The following FSTL4 variants were observed in gnomAD, a reference collection of about 807,000 sequenced individuals.
FSTL4 encodes follistatin like 4, also known as follistatin-related protein 4.
In FSTL4, 28 loss-of-function variants were observed where a neutral mutation model predicts 78.2. The observed-to-expected ratio is 0.36, with a 90% CI of 0.27 to 0.49. The LOEUF (loss-of-function observed/expected upper bound fraction) is 0.49, where lower values mean the gene tolerates loss of function less well. Among genes scored for constraint, FSTL4 ranks in the 20% least tolerant of loss-of-function variants. FSTL4 has a pLI of 0.98. For synonymous variants in FSTL4, 422 were observed against 440.5 expected, an observed-to-expected ratio of 0.96 and a Z score of 0.53; for missense variants, 922 against 1,084.9, an observed-to-expected ratio of 0.85 and a Z score of 2.11.
intron 3 of FSTL4, chr5:133,427,663 C>G (rs764763694): frequency 1.9e-6 from 1 of 530,568 alleles, no homozygotes; most frequent in Non-Finnish European, 3.9e-6. Flanking sequence ...TTCAGTAGTT[C>G]TGAGGCAGGG....
the FSTL4 span, among the ~76,000 whole-genome samples, chr5:133,663,607 C>T: frequency 6.6e-6 from 1 of 152,210 alleles, no homozygotes; most frequent in Non-Finnish European, 1.5e-5. Context: ...CACGTGGTCT[C>T]ATTGTCATGA....
At chr5:133,636,255 G>C in the FSTL4 span, among the ~76,000 whole-genome samples, 1 of 152,204 alleles carries the variant, frequency 6.6e-6, no homozygotes, top group South Asian at 2.1e-4. Flanking sequence ...GGCAGGGAGA[G>C]AGGCTGGGCT....
the FSTL4 span, among the ~76,000 whole-genome samples, chr5:133,671,950 C>G: frequency 0.61 from 93,053 of 152,110 alleles, 28,741 homozygotes; most frequent in Middle Eastern, 0.73. Flanking sequence ...AAGAATGTTA[C>G]CACAGGTCTT....
At chr5:133,644,593 G>A in the FSTL4 span, among the ~76,000 whole-genome samples, 1 of 152,100 alleles carries the variant, frequency 6.6e-6, no homozygotes, top group Non-Finnish European at 1.5e-5. Context: ...AGCTTTGGTG[G>A]AGAAGACATG....
At chr5:133,712,331 T>C in the FSTL4 span, among the ~76,000 whole-genome samples, 1 of 152,010 alleles carries the variant, frequency 6.6e-6, no homozygotes, top group African/African-American at 2.4e-5. Flanking sequence ...AGTAGGCCTG[T>C]GGGGTTGGAA....
In FSTL4 at chr5:133,482,841, G is replaced by A. The variant is rs143788365; in HGVS notation, c.161-81855C>T. ...CTACAGGGAAGCTCTGCATTTCCTG[G>A]GAATGATGACTCCTGGGCCCCTTGC... On this transcript the variant is annotated intron_variant, in intron 3 of 15. Transcript: ENST00000265342. Among the ~76,000 whole-genome samples, 81 of 152,042 alleles carry A rather than the reference G, an allele frequency of 5.3e-4. No individual in the cohort carries two copies. The Middle Eastern group carries it at 0.02, about 38-fold the overall frequency.
At chr5:133,513,904 C>A (rs548273574) in intron 3 of FSTL4, among the ~76,000 whole-genome samples, 1 of 152,090 alleles carries the variant, frequency 6.6e-6, no homozygotes, top group Non-Finnish European at 1.5e-5. Flanking sequence ...CGGGGCCGGG[C>A]GCGGTGGCTC....
At position 133,210,284 on chromosome 5, in the gene FSTL4, G is replaced by A; in HGVS notation, c.1623C>T (p.Asp541=). ...CATAGGACAGCTTAGCCGGCAGAGG[G>A]TCCACACCTATGGACTTGAAAAAAA... ...AQKVLQSIGV[D]PLPAKLSYDK... Residue 541 remains aspartate (D), a synonymous_variant, in exon 14 of 16, where the codon GAC becomes GAT. Coordinates refer to ENST00000265342, the MANE Select transcript of FSTL4 (RefSeq NM_015082.2). 1.9e-6 allele frequency: 3 copies of A among 1,601,084 alleles called. No individual in the cohort carries two copies. The highest frequency in any genetic ancestry group is 2.6e-6 in the Non-Finnish European group (3 of 1,168,382).
the FSTL4 span, among the ~76,000 whole-genome samples, chr5:133,634,651 G>A: frequency 6.6e-6 from 1 of 152,160 alleles, no homozygotes; most frequent in Non-Finnish European, 1.5e-5. Context: ...AGAAGTGAAA[G>A]TTCATTTGTT....
At chr5:133,412,304 A>C (rs1756492115) in intron 3 of FSTL4, among the ~76,000 whole-genome samples, 2 of 152,186 alleles carry the variant, frequency 1.3e-5, no homozygotes, top group Admixed American at 1.3e-4. Context: ...AGGAAAAGGC[A>C]AATCAGTGAC....
intron 4 of FSTL4, among the ~76,000 whole-genome samples, chr5:133,359,099 G>A (rs528311321): frequency 2.0e-5 from 3 of 152,290 alleles, no homozygotes; most frequent in East Asian, 1.9e-4. Flanking sequence ...TAGCTAGAGC[G>A]TGATGTGTAA....
At chr5:133,543,095 G>A (rs246419) in intron 3 of FSTL4, among the ~76,000 whole-genome samples, 10,967 of 152,174 alleles carry the variant, frequency 0.072, 539 homozygotes, top group Non-Finnish European at 0.098. Context: ...TCTGCCACCA[G>A]GCTGGAGTGC....
At chr5:133,615,468 C>T (rs991577916), upstream of FSTL4, among the ~76,000 whole-genome samples, 1 of 152,162 alleles carries the variant, frequency 6.6e-6, no homozygotes, top group African/African-American at 2.4e-5. Context: ...ACACCTTTCC[C>T]AGAACTTGTT....
intron 3 of FSTL4, among the ~76,000 whole-genome samples, chr5:133,427,186 A>T (rs1756837475): frequency 6.6e-6 from 1 of 152,136 alleles, no homozygotes; most frequent in South Asian, 2.1e-4. Context: ...CTCAGTTTCC[A>T]CACCTATAGA....
chr5:133,535,739 G>A (rs1422476824), intron 3 of FSTL4, among the ~76,000 whole-genome samples: 2 of 152,102 alleles, frequency 1.3e-5, no homozygotes, highest in Non-Finnish European at 2.9e-5. Context: ...GAGAACAAAT[G>A]TCTGTTGCTT....
intron 3 of FSTL4, among the ~76,000 whole-genome samples, chr5:133,560,981 C>T (rs560490158): frequency 4.0e-5 from 6 of 151,052 alleles, no homozygotes; most frequent in South Asian, 2.1e-4. Flanking sequence ...CCCAGCTACT[C>T]GGGAGGCTGA....
chr5:133,752,020 A>G, the FSTL4 span, among the ~76,000 whole-genome samples: 8 of 152,338 alleles, frequency 5.3e-5, no homozygotes, highest in Non-Finnish European at 1.2e-4. Flanking sequence ...GAACGCTGGC[A>G]GGAATCGTGC....
At chr5:133,650,949 A>T in the FSTL4 span, among the ~76,000 whole-genome samples, 1 of 152,152 alleles carries the variant, frequency 6.6e-6, no homozygotes, top group Non-Finnish European at 1.5e-5. Context: ...CCTCATACAG[A>T]TCTTATATGT....
At chr5:133,810,356 C>T in the FSTL4 span, among the ~76,000 whole-genome samples, 7 of 152,150 alleles carry the variant, frequency 4.6e-5, no homozygotes, top group Non-Finnish European at 7.3e-5. Flanking sequence ...ATTTGCATTT[C>T]GAAAATTCAG....
Sources: gnomAD v4.1 joint callset for allele counts (sites outside exome capture counted in the v4.1 genomes callset) on GRCh38, gnomAD v4.1.1 for gene constraint, MANE v1.5 for transcripts, NCBI Gene and HGNC (gene_info 2026-07-23, HGNC 2026-07-21) for gene names.